NARS2: variants seen among roughly 807,000 people sequenced by gnomAD.
NARS2 encodes asparaginyl-tRNA synthetase 2, mitochondrial, also known as asparaginyl-tRNA synthetase.
NARS2 carries 60 observed loss-of-function variants against 62.9 expected under a neutral mutation model. The ratio of observed to expected loss-of-function variants is 0.95; its 90% CI spans 0.77 to 1.18. The LOEUF (loss-of-function observed/expected upper bound fraction) is 1.18, where lower values mean the gene tolerates loss of function less well. Ranked by LOEUF, NARS2 falls within the 50% of genes most tolerant of loss-of-function variation. The pLI, the probability that NARS2 is intolerant of heterozygous loss-of-function variation, is 0.00. For missense variants in NARS2, 619 were observed against 576.4 expected (o/e 1.07, Z -0.76); for synonymous variants, 196 against 200.0 (o/e 0.98, Z 0.17).
At chr11:78,455,414 G>A (rs1858123766) in intron 11 of NARS2, among the ~76,000 whole-genome samples, 1 of 152,050 alleles carries the variant, frequency 6.6e-6, no homozygotes, top group Non-Finnish European at 1.5e-5. Context: ...TGTGTAAAAA[G>A]TACACAAATA....
chr11:78,453,561 C>G (rs868245229), intron 11 of NARS2, among the ~76,000 whole-genome samples: 1 of 152,334 alleles, frequency 6.6e-6, no homozygotes, highest in Middle Eastern at 3.4e-3. Flanking sequence ...TCTGCCACCT[C>G]TCTTCTCACC....
At chr11:78,468,566 A>G (rs1168017509) in intron 10 of NARS2, among the ~76,000 whole-genome samples, 3 of 151,124 alleles carry the variant, frequency 2.0e-5, no homozygotes, top group African/African-American at 7.3e-5. Context: ...CACCTCACCC[A>G]GCTAATTTTT....
intron 9 of NARS2, among the ~76,000 whole-genome samples, chr11:78,477,869 G>A (rs771363933): frequency 1.3e-5 from 2 of 152,030 alleles, no homozygotes; most frequent in African/African-American, 4.8e-5. Flanking sequence ...AATGCAACAA[G>A]CATCTACAAT....
intron 12 of NARS2, 103 bp downstream of exon 12, chr11:78,443,558 G>T: frequency 6.2e-6 from 4 of 641,680 alleles, no homozygotes; most frequent in Non-Finnish European, 8.1e-6. Flanking sequence ...AGTTCTGTCA[G>T]GCGCCGAGGC....
chr11:78,481,288 G>C (rs1017583228), intron 7 of NARS2, among the ~76,000 whole-genome samples: 4 of 152,140 alleles, frequency 2.6e-5, no homozygotes, highest in Non-Finnish European at 4.4e-5. Context: ...TTGATGAAAG[G>C]AGAACAACAG....
At chr11:78,564,491 T>C (rs1281872434) in intron 4 of NARS2, among the ~76,000 whole-genome samples, 2 of 152,212 alleles carry the variant, frequency 1.3e-5, no homozygotes, top group African/African-American at 2.4e-5. Flanking sequence ...GCACCCTGAC[T>C]ACTTTATTTT....
Position 78,574,422 on chromosome 11 carries a change from T to G in NARS2, c.67A>C (p.Lys23Gln). Reference sequence around the variant, plus strand: ...CGCACGCTCAGTTTGGCTGAAGGTTTGTGCTTGGGGAAGGGGGCGGAGGAA... The same window carrying G: ...CGCACGCTCAGTTTGGCTGAAGGTTGGTGCTTGGGGAAGGGGGCGGAGGAA... ...FCSSAPFPKH[K>Q]PSAKLSVRDA... Residue 23 changes from lysine to glutamine, a missense_variant, in exon 1 of 14, where the codon AAA becomes CAA. Coordinates refer to ENST00000281038, the MANE Select transcript of NARS2 (RefSeq NM_024678.6). 2 of 1,614,158 alleles carry G rather than the reference T, an allele frequency of 1.2e-6. No homozygotes were observed. The highest frequency in any genetic ancestry group is 1.7e-6 in the Non-Finnish European group (2 of 1,180,010).
chr11:78,471,847 C>G (rs952818187), intron 9 of NARS2, among the ~76,000 whole-genome samples: 4 of 152,022 alleles, frequency 2.6e-5, no homozygotes, highest in Admixed American at 2.6e-4. Context: ...ATCCACGTCC[C>G]TACAAAGGAC....
chr11:78,482,262 T>A (rs1220277499), intron 7 of NARS2, among the ~76,000 whole-genome samples: 1 of 152,028 alleles, frequency 6.6e-6, no homozygotes, highest in African/African-American at 2.4e-5. Context: ...AAGAGGGAAG[T>A]TTATAGCACT....
At chr11:78,564,493 C>G (rs1206758599) in intron 4 of NARS2, among the ~76,000 whole-genome samples, 1 of 152,146 alleles carries the variant, frequency 6.6e-6, no homozygotes, top group Non-Finnish European at 1.5e-5. Context: ...ACCCTGACTA[C>G]TTTATTTTTT....
intron 11 of NARS2, among the ~76,000 whole-genome samples, chr11:78,462,806 AAT>A (rs1405090406): frequency 6.6e-6 from 1 of 152,152 alleles, no homozygotes; most frequent in East Asian, 1.9e-4. Context: ...AAAAACAGGA[AAT>A]ACAGTCAAAC....
intron 5 of NARS2, among the ~76,000 whole-genome samples, chr11:78,557,086 A>G (rs1364892601): frequency 6.6e-6 from 1 of 152,242 alleles, no homozygotes; most frequent in East Asian, 1.9e-4. Flanking sequence ...CTTAACAAAT[A>G]TCAAAGTAGG....
intron 6 of NARS2, among the ~76,000 whole-genome samples, chr11:78,493,471 A>C (rs1859918323): frequency 6.6e-6 from 1 of 152,120 alleles, no homozygotes; most frequent in Non-Finnish European, 1.5e-5. Flanking sequence ...AGCCTGGGAA[A>C]CATGGTGAAA....
chr11:78,437,333 C>T (rs1428133984), intron 13 of NARS2, among the ~76,000 whole-genome samples: 1 of 152,110 alleles, frequency 6.6e-6, no homozygotes, highest in East Asian at 1.9e-4. Flanking sequence ...CTTTTTATCA[C>T]CAGGGAGCTC....
chr11:78,505,844 TAAG>T (rs944664949), intron 6 of NARS2, among the ~76,000 whole-genome samples: 8 of 152,072 alleles, frequency 5.3e-5, no homozygotes, highest in East Asian at 3.9e-4. Context: ...ATGAACCACA[TAAG>T]AAAAAGACTA....
chr11:78,496,961 C>A (rs1860084330), intron 6 of NARS2, among the ~76,000 whole-genome samples: 1 of 151,986 alleles, frequency 6.6e-6, no homozygotes, highest in African/African-American at 2.4e-5. Context: ...GCAGCAAAGA[C>A]TGAACCAACC....
At chr11:78,461,044 G>T (rs779099557) in intron 11 of NARS2, among the ~76,000 whole-genome samples, 2 of 152,218 alleles carry the variant, frequency 1.3e-5, no homozygotes, top group Middle Eastern at 6.8e-3. Flanking sequence ...CGCATACTAC[G>T]TCATTTTACA....
At chr11:78,496,343 C>T (rs1352784460) in intron 6 of NARS2, among the ~76,000 whole-genome samples, 2 of 152,028 alleles carry the variant, frequency 1.3e-5, no homozygotes, top group Non-Finnish European at 2.9e-5. Flanking sequence ...CATTATGGGC[C>T]AAGCACTAAA....
chr11:78,511,191 C>T (rs1860708432), intron 6 of NARS2, among the ~76,000 whole-genome samples: 1 of 152,050 alleles, frequency 6.6e-6, no homozygotes, highest in Non-Finnish European at 1.5e-5. Flanking sequence ...GATCCTCCTT[C>T]CTCAGCTTTC....
Sources: gnomAD v4.1 joint callset for allele counts (sites outside exome capture counted in the v4.1 genomes callset) on GRCh38, gnomAD v4.1.1 for gene constraint, MANE v1.5 for transcripts, NCBI Gene and HGNC (gene_info 2026-07-23, HGNC 2026-07-21) for gene names.